The following PTPRE variants were observed in gnomAD, a reference collection of about 807,000 sequenced individuals.
PTPRE encodes protein tyrosine phosphatase receptor type E, also known as receptor-type tyrosine-protein phosphatase epsilon.
A neutral mutation model predicts 102.0 loss-of-function variants in PTPRE; 51 were observed. That is an observed-to-expected ratio of 0.50 (90% CI 0.40 to 0.63). The LOEUF (loss-of-function observed/expected upper bound fraction) is 0.63, where lower values mean the gene tolerates loss of function less well. Among genes scored for constraint, PTPRE ranks in the 30% least tolerant of loss-of-function variants. The probability of loss-of-function intolerance (pLI) is 0.00; values close to 1 mark genes in which losing one functional copy is unlikely to be tolerated. For missense variants in PTPRE, 752 were observed against 915.1 expected (o/e 0.82, Z 2.30); for synonymous variants, 345 against 348.2 (o/e 0.99, Z 0.10).
At chr10:128,001,889 G>A (rs959654767) in intron 2 of PTPRE, among the ~76,000 whole-genome samples, 1 of 152,182 alleles carries the variant, frequency 6.6e-6, no homozygotes, top group Non-Finnish European at 1.5e-5. Flanking sequence ...GGTTGAGAAG[G>A]CTGTGGGCTC....
At chr10:127,920,886 A>G (rs1846546801) in intron 1 of PTPRE, among the ~76,000 whole-genome samples, 2 of 152,152 alleles carry the variant, frequency 1.3e-5, no homozygotes, top group Non-Finnish European at 2.9e-5. Context: ...GGCCTCCAGC[A>G]AACTCACATT....
intron 1 of PTPRE, among the ~76,000 whole-genome samples, chr10:127,927,523 C>T (rs1370223592): frequency 2.0e-5 from 3 of 152,272 alleles, no homozygotes; most frequent in African/African-American, 7.2e-5. Context: ...TTGTTCAGGG[C>T]CATGTAACCA....
At chr10:128,065,728 C>T (rs2135982140) in intron 10 of PTPRE, among the ~76,000 whole-genome samples, 1 of 152,266 alleles carries the variant, frequency 6.6e-6, no homozygotes, top group African/African-American at 2.4e-5. Context: ...CTGAGGGTCA[C>T]TTGGAGTTAG....
chr10:128,005,589 G>T (rs1854447990), intron 2 of PTPRE, among the ~76,000 whole-genome samples: 1 of 152,230 alleles, frequency 6.6e-6, no homozygotes, highest in Admixed American at 6.5e-5. Context: ...GCTTGTGAGG[G>T]TGCTAAGAGA....
intron 2 of PTPRE, among the ~76,000 whole-genome samples, chr10:127,984,017 G>A (rs1243844223): frequency 2.6e-5 from 4 of 151,572 alleles, no homozygotes; most frequent in Non-Finnish European, 4.4e-5. Context: ...GGCCAGAGCC[G>A]CTTCAGGGGG....
At chr10:127,958,521 A>T (rs1160303537) in intron 1 of PTPRE, among the ~76,000 whole-genome samples, 1 of 152,214 alleles carries the variant, frequency 6.6e-6, no homozygotes, top group Non-Finnish European at 1.5e-5. Flanking sequence ...ATTTGAATCA[A>T]CCTTTTATAC....
intron 1 of PTPRE, among the ~76,000 whole-genome samples, chr10:127,930,342 G>T (rs1330327551): frequency 6.6e-6 from 1 of 151,784 alleles, no homozygotes; most frequent in African/African-American, 2.4e-5. Flanking sequence ...TTGTAATTTT[G>T]CCTTTTCTGA....
chr10:128,068,099 C>G, intron 11 of PTPRE, 24 bp from the exon 12 acceptor site: 1 of 1,601,614 alleles, frequency 6.2e-7, no homozygotes, highest in Non-Finnish European at 8.5e-7. Context: ...TTCACCCACT[C>G]TTGTCTCCCC....
In PTPRE at chr10:128,071,973, G is replaced by C. The variant is rs139918712; in HGVS notation, c.1388-165G>C. 1.1e-3 allele frequency: 621 copies of C among 567,272 alleles called. 4 individuals carry two copies. The highest frequency in any genetic ancestry group is 0.011 in the African/African-American group (571 of 52,892). 35.1% of individuals were successfully genotyped at this position (567,272 alleles called of 1,614,324 possible). On this transcript the variant is annotated intron_variant, in intron 15 of 20. Transcript: ENST00000254667. ...TTCCTTCAAAAAGAAAAATACCCCT[G>C]AGCCACTTTAATTATCGTCTCTCAT... is the stretch of plus-strand genomic sequence containing the variant.
In PTPRE at chr10:128,040,949, A is replaced by C; in HGVS notation, c.68A>C (p.Asn23Thr). 6.2e-7 allele frequency: 1 copy of C among 1,614,068 alleles called. No homozygotes were observed. The highest frequency in any genetic ancestry group is 8.5e-7 in the Non-Finnish European group (1 of 1,180,006). Residue 23 changes from asparagine (N) to threonine (T), a missense_variant, in exon 3 of 21, where the codon AAC (asparagine) becomes ACC (threonine). Physicochemically the swap from Asn to Thr is moderately conservative, Grantham distance 65 (BLOSUM62 0). This residue lies in a region of PTPRE where 116 missense variants were observed against 90.8 expected (regional missense o/e 1.28). Transcript: ENST00000254667. ...SLPLARALRG[N>T]ETTADSNETT... ...CCGCTCGCCAGGGCTCTCAGGGGCA[A>C]CGAGACCACTGCCGACAGCAACGAG...
intron 1 of PTPRE, among the ~76,000 whole-genome samples, chr10:127,911,083 G>GAAAA (rs140295250): frequency 8.3e-4 from 125 of 150,300 alleles, no homozygotes; most frequent in African/African-American, 2.9e-3. Context: ...CCCTGTCATG[G>GAAAA]AAAAAAAAAG....
chr10:127,925,175 A>G (rs968431419), intron 1 of PTPRE, among the ~76,000 whole-genome samples: 1 of 152,162 alleles, frequency 6.6e-6, no homozygotes, highest in African/African-American at 2.4e-5. Context: ...TGCCAGATGG[A>G]CCTATCCACA....
At chr10:127,946,098 A>T (rs945899971) in intron 1 of PTPRE, among the ~76,000 whole-genome samples, 1 of 152,068 alleles carries the variant, frequency 6.6e-6, no homozygotes, top group African/African-American at 2.4e-5. Flanking sequence ...CTGGAGAAGA[A>T]GGTCAGATGC....
chr10:128,076,763 T>G (rs749062046), intron 18 of PTPRE, 35 bp downstream of exon 18: 2 of 1,608,500 alleles, frequency 1.2e-6, no homozygotes, highest in East Asian at 2.2e-5. Context: ...CGCTTGTGAA[T>G]TTAGTGAACC....
In PTPRE at chr10:128,047,492, A is replaced by G. The variant is rs746355196; in HGVS notation, c.209+3A>G. The G allele has an allele frequency of 7.4e-6, 12 of 1,613,266 alleles. No homozygotes were observed. Among genetic ancestry groups the G allele is most frequent in the Non-Finnish European group, 1.0e-5 (12 of 1,179,996 alleles). ...CTTCTCGCCGCCTACTTCTTCAGGT[A>G]GGAGTGTCCCGGGGCACTGACTTGC... On this transcript the variant is annotated splice_donor_region_variant and intron_variant, in intron 4 of 20. Coordinates refer to ENST00000254667, the MANE Select transcript of PTPRE (RefSeq NM_006504.6).
chr10:127,955,879 G>C (rs1362633348), intron 1 of PTPRE, among the ~76,000 whole-genome samples: 2 of 152,266 alleles, frequency 1.3e-5, no homozygotes, highest in African/African-American at 4.8e-5. Context: ...GAAAGAGAGA[G>C]AGAAGGGGAA....
chr10:127,978,341 C>T (rs1169688574), intron 1 of PTPRE, among the ~76,000 whole-genome samples: 1 of 151,934 alleles, frequency 6.6e-6, no homozygotes, highest in African/African-American at 2.4e-5. Flanking sequence ...GAGTTCGAGA[C>T]CAGTCTGGGC....
intron 13 of PTPRE, 113 bp downstream of exon 13, chr10:128,069,940 G>GGAA: frequency 6.5e-7 from 1 of 1,528,946 alleles, no homozygotes; most frequent in Non-Finnish European, 9.0e-7. Context: ...ACCAGCCTGG[G>GGAA]CCTGGCCTGG....
intron 2 of PTPRE, among the ~76,000 whole-genome samples, chr10:128,005,913 C>T (rs1045936874): frequency 2.0e-5 from 3 of 152,136 alleles, no homozygotes; most frequent in African/African-American, 7.2e-5. Flanking sequence ...CCTGGCATTC[C>T]CCAGCTTGTG....
Sources: allele counts gnomAD v4.1 joint callset (sites outside exome capture counted in the v4.1 genomes callset), GRCh38; gene constraint gnomAD v4.1.1; regional missense constraint gnomAD v4.1.1; transcripts MANE v1.5; gene names NCBI Gene and HGNC (gene_info 2026-07-23, HGNC 2026-07-21).